The following TSPAN9 variants were observed in gnomAD, a reference collection of about 807,000 sequenced individuals.
The protein encoded by TSPAN9 is tetraspanin 9, also known as tetraspanin-9.
Under a neutral mutation model 31.0 loss-of-function variants are expected in TSPAN9, and 16 were observed. The ratio of observed to expected loss-of-function variants is 0.52; its 90% CI spans 0.35 to 0.78. The LOEUF is 0.78. Among genes scored for constraint, TSPAN9 ranks in the 30% least tolerant of loss-of-function variants. The pLI, the probability that TSPAN9 is intolerant of heterozygous loss-of-function variation, is 0.01. For synonymous variants in TSPAN9, 145 were observed against 121.6 expected, an observed-to-expected ratio of 1.19 and a Z score of -1.27; for missense variants, 272 against 312.5, an observed-to-expected ratio of 0.87 and a Z score of 0.98.
chr12:3,206,550 C>A, intron 3 of TSPAN9: 1 of 193,484 alleles, frequency 5.2e-6, no homozygotes, highest in East Asian at 1.3e-4. Flanking sequence ...TTATTCCTGT[C>A]AGTAAGAGAG....
chr12:3,282,181 ACT>A (rs1862908163), intron 8 of TSPAN9: 2 of 600,072 alleles, frequency 3.3e-6, no homozygotes, highest in Admixed American at 2.8e-5. Context: ...CACATGGCAC[ACT>A]CTCTGTGGTG....
chr12:3,171,411 A>G (rs1297563731), intron 2 of TSPAN9, among the ~76,000 whole-genome samples: 2 of 152,032 alleles, frequency 1.3e-5, no homozygotes, highest in Non-Finnish European at 1.5e-5. Flanking sequence ...CTCTCTTCTC[A>G]TGTTTTCCAT....
At chr12:3,281,628 G>T in intron 7 of TSPAN9, 106 bp from the exon 8 acceptor site, 2 of 1,330,302 alleles carry the variant, frequency 1.5e-6, no homozygotes. Flanking sequence ...GGAGGGCTGG[G>T]AGGTAAGAGC....
chr12:3,134,856 C>T (rs915977356), intron 2 of TSPAN9, among the ~76,000 whole-genome samples: 1 of 152,052 alleles, frequency 6.6e-6, no homozygotes, highest in African/African-American at 2.4e-5. Flanking sequence ...TGATGGCGTG[C>T]AGCGTGGAAG....
chr12:3,086,680 C>T (rs1328080480), intron 2 of TSPAN9, among the ~76,000 whole-genome samples: 2 of 152,190 alleles, frequency 1.3e-5, no homozygotes, highest in African/African-American at 4.8e-5. Flanking sequence ...CTTTGGGGTA[C>T]AGGATCTTGG....
intron 2 of TSPAN9, among the ~76,000 whole-genome samples, chr12:3,186,213 C>G (rs751880016): frequency 1.3e-5 from 2 of 152,340 alleles, no homozygotes; most frequent in East Asian, 3.9e-4. Flanking sequence ...AGAGACCTTT[C>G]CCAGGCATTC....
At chr12:3,118,235 C>CCACACA (rs373072297) in intron 2 of TSPAN9, among the ~76,000 whole-genome samples, 6 of 146,390 alleles carry the variant, frequency 4.1e-5, no homozygotes, top group Middle Eastern at 3.5e-3. Flanking sequence ...TACCTGATTC[C>CCACACA]GCACCGCCCC....
intron 2 of TSPAN9, among the ~76,000 whole-genome samples, chr12:3,118,017 C>T (rs1359384661): frequency 1.3e-5 from 2 of 152,040 alleles, no homozygotes; most frequent in Non-Finnish European, 2.9e-5. Flanking sequence ...TGCCAGGTTC[C>T]CCTCCTGGGC....
intron 2 of TSPAN9, 163 bp from the exon 3 acceptor site, chr12:3,201,014 C>T (rs752269715): frequency 3.2e-6 from 2 of 622,192 alleles, no homozygotes; most frequent in African/African-American, 1.9e-5. Flanking sequence ...CACCTCCGGC[C>T]GCCCGTTCGG....
At chr12:3,240,251 G>A (rs1350776603) in intron 3 of TSPAN9, among the ~76,000 whole-genome samples, 2 of 152,060 alleles carry the variant, frequency 1.3e-5, no homozygotes, top group Admixed American at 6.5e-5. Context: ...TGAGGGGTGC[G>A]TTTGGAGTCC....
intron 2 of TSPAN9, among the ~76,000 whole-genome samples, chr12:3,092,452 T>G (rs946081021): frequency 2.6e-5 from 4 of 152,208 alleles, no homozygotes; most frequent in African/African-American, 9.7e-5. Flanking sequence ...TACAAATGTC[T>G]ATTTCTGTTT....
intron 3 of TSPAN9, among the ~76,000 whole-genome samples, chr12:3,241,455 T>C (rs543392432): frequency 2.9e-4 from 44 of 152,366 alleles, no homozygotes; most frequent in African/African-American, 1.1e-3. Flanking sequence ...CATGTGTCAA[T>C]ATAATTTTAG....
chr12:3,081,794 C>G (rs1005484595), intron 1 of TSPAN9, among the ~76,000 whole-genome samples: 1 of 146,792 alleles, frequency 6.8e-6, no homozygotes, highest in Non-Finnish European at 1.5e-5. Flanking sequence ...AGTGAGGCCT[C>G]TGTATCTAAA....
At chr12:3,218,153 T>C (rs779184853) in intron 3 of TSPAN9, among the ~76,000 whole-genome samples, 9 of 152,124 alleles carry the variant, frequency 5.9e-5, no homozygotes, top group Non-Finnish European at 1.2e-4. Flanking sequence ...GCCCCCATTT[T>C]TTCTGTGGGC....
Position 3,172,021 on chromosome 12 carries a change from C to T in TSPAN9, c.-17-29156C>T, listed in dbSNP as rs2098352132. 1 of 152,212 alleles carries T rather than the reference C, an allele frequency of 6.6e-6. No individual in the cohort carries two copies. The highest frequency in any genetic ancestry group is 1.5e-5 in the Non-Finnish European group (1 of 68,064). The allele number at this position is 152,212 out of a possible 1,614,324, so 9.4% of individuals were successfully genotyped here. A position where few individuals can be genotyped will look rare whatever the true frequency, so the allele number is the denominator to read the frequency against. On this transcript the variant is annotated intron_variant, in intron 2 of 8. Transcript: ENST00000011898. This position sits in a 1 kb window ranked among gnomAD's most constrained non-coding sequence, Gnocchi z 4.8. ...GGTGTCAGGTAGCTAGTTTATGGGT[C>T]CCATCCTGGTTGTGATAACTCAGGC... is the stretch of plus-strand genomic sequence containing the variant.
At chr12:3,157,213 C>T (rs932567230) in intron 2 of TSPAN9, among the ~76,000 whole-genome samples, 2 of 151,842 alleles carry the variant, frequency 1.3e-5, no homozygotes, top group African/African-American at 4.8e-5. Context: ...CATTCTCCTT[C>T]CTCAGCCTCC....
chr12:3,223,006 C>T (rs559248728), intron 3 of TSPAN9, among the ~76,000 whole-genome samples: 6 of 152,218 alleles, frequency 3.9e-5, no homozygotes, highest in African/African-American at 9.6e-5. Flanking sequence ...GCCAGCCCAC[C>T]GGGCAGGTGA....
At chr12:3,211,039 C>T (rs563083920) in intron 3 of TSPAN9, among the ~76,000 whole-genome samples, 1 of 152,292 alleles carries the variant, frequency 6.6e-6, no homozygotes, top group South Asian at 2.1e-4. Flanking sequence ...AGCCACGGCG[C>T]CCTGCTTCAG....
intron 2 of TSPAN9, among the ~76,000 whole-genome samples, chr12:3,109,052 C>T (rs1238298345): frequency 1.3e-5 from 2 of 151,984 alleles, no homozygotes; most frequent in Non-Finnish European, 2.9e-5. Context: ...TCTCCTGTCT[C>T]AGCCTCCCGA....
Sources: gnomAD v4.1 joint callset for allele counts (sites outside exome capture counted in the v4.1 genomes callset) on GRCh38, gnomAD v4.1.1 for gene constraint, Gnocchi (gnomAD v3.1) non-coding constraint, MANE v1.5 for transcripts, NCBI Gene and HGNC (gene_info 2026-07-23, HGNC 2026-07-21) for gene names.